The following CAPZA2 variants were observed in gnomAD, a reference collection of about 807,000 sequenced individuals.
The protein encoded by CAPZA2 is F-actin-capping protein subunit alpha-2.
CAPZA2 carries 13 observed loss-of-function variants against 44.0 expected under a neutral mutation model. The observed-to-expected ratio is 0.30, with a 90% confidence interval of 0.19 to 0.47. CAPZA2 has a LOEUF of 0.47. Among genes scored for constraint, CAPZA2 ranks in the 20% least tolerant of loss-of-function variants. CAPZA2 has a pLI of 1.00. For missense variants in CAPZA2, 244 were observed against 338.6 expected (o/e 0.72, Z 2.19); for synonymous variants, 94 against 108.2 (o/e 0.87, Z 0.81).
At chr7:116,903,178 A>C (rs535371103) in intron 4 of CAPZA2, among the ~76,000 whole-genome samples, 2 of 151,506 alleles carry the variant, frequency 1.3e-5, no homozygotes, top group African/African-American at 2.4e-5. Flanking sequence ...ATATCACTTG[A>C]CTTTGAGGGA....
chr7:116,907,892 G>T (rs1049810326), intron 6 of CAPZA2, among the ~76,000 whole-genome samples: 8 of 152,154 alleles, frequency 5.3e-5, no homozygotes, highest in African/African-American at 1.9e-4. Flanking sequence ...GGAAAAAAAT[G>T]TATTTTATAT....
chr7:116,908,280 A>C (rs1232842151), intron 6 of CAPZA2, among the ~76,000 whole-genome samples: 1 of 152,086 alleles, frequency 6.6e-6, no homozygotes, highest in Non-Finnish European at 1.5e-5. Context: ...AAAAAAAGAA[A>C]TATACTTCAG....
chr7:116,873,900 A>AT (rs1796586242), intron 1 of CAPZA2: 1 of 153,116 alleles, frequency 6.5e-6, no homozygotes, highest in Non-Finnish European at 1.5e-5. Flanking sequence ...ACAGTCAAGG[A>AT]TTGCAAGGCA....
intron 9 of CAPZA2, among the ~76,000 whole-genome samples, chr7:116,917,304 G>A (rs1328783850): frequency 6.6e-6 from 1 of 152,054 alleles, no homozygotes; most frequent in African/African-American, 2.4e-5. Flanking sequence ...GCCCAGGCTG[G>A]AGTGCAGTGG....
intron 6 of CAPZA2, among the ~76,000 whole-genome samples, chr7:116,907,008 A>G (rs1791523135): frequency 2.0e-5 from 3 of 152,226 alleles, no homozygotes; most frequent in African/African-American, 7.2e-5. Context: ...AATTGAATGA[A>G]ATCTTTACGT....
At chr7:116,894,807 C>T (rs1042592165) in intron 3 of CAPZA2, among the ~76,000 whole-genome samples, 3 of 152,090 alleles carry the variant, frequency 2.0e-5, no homozygotes, top group African/African-American at 7.2e-5. Context: ...AAAGTTTATC[C>T]ATATTGTAGC....
intron 3 of CAPZA2, among the ~76,000 whole-genome samples, chr7:116,895,101 A>G (rs1212530569): frequency 6.6e-6 from 1 of 152,024 alleles, no homozygotes; most frequent in African/African-American, 2.4e-5. Flanking sequence ...ATGTTGAGAA[A>G]AGTCTTATGG....
chr7:116,885,326 TG>T lies in CAPZA2; in HGVS notation c.40-2800del, dbSNP rs1173744616. Reference sequence around the variant, plus strand: ...TGTCTGTGTGTGGACAAAACACCTATGTTTTTTTTTTTGTATTCTCCCACTC... The same window carrying T: ...TGTCTGTGTGTGGACAAAACACCTATTTTTTTTTTTTGTATTCTCCCACTC... On this transcript the variant is annotated intron_variant, in intron 1 of 9. Coordinates refer to ENST00000361183, the MANE Select transcript of CAPZA2 (RefSeq NM_006136.3). Among the ~76,000 whole-genome samples, 65 of 152,096 alleles carry T rather than the reference TG, an allele frequency of 4.3e-4. 2 individuals are homozygous for T. The highest frequency in any genetic ancestry group is 1.2e-3 in the African/African-American group (50 of 41,470).
At chr7:116,895,201 A>C (rs1206981589) in intron 3 of CAPZA2, among the ~76,000 whole-genome samples, 3 of 152,082 alleles carry the variant, frequency 2.0e-5, no homozygotes, top group Non-Finnish European at 4.4e-5. Flanking sequence ...TGTGGGTTTC[A>C]TGTGGTGCAA....
intron 4 of CAPZA2, among the ~76,000 whole-genome samples, chr7:116,903,233 AGTGTGTGTGTGTGTGT>A (rs71148342): frequency 6.8e-5 from 10 of 146,340 alleles, no homozygotes; most frequent in African/African-American, 2.3e-4. Flanking sequence ...TGCAGAGAAG[AGTGTGTGTGTGTGTGT>A]GTGTGTGTGT....
intron 1 of CAPZA2, among the ~76,000 whole-genome samples, chr7:116,884,114 A>G (rs2115908980): frequency 6.6e-6 from 1 of 152,310 alleles, no homozygotes; most frequent in South Asian, 2.1e-4. Context: ...ACTCCAGTGT[A>G]TGTTTGGCAT....
At chr7:116,907,280 A>G (rs765465136) in intron 6 of CAPZA2, among the ~76,000 whole-genome samples, 4 of 152,208 alleles carry the variant, frequency 2.6e-5, no homozygotes, top group African/African-American at 4.8e-5. Context: ...AGGAAAATCA[A>G]TGCCATATGT....
At position 116,899,881 on chromosome 7, in the gene CAPZA2, A is replaced by G. The variant is rs148016949; in HGVS notation, c.219+1046A>G. 5.5e-3 allele frequency among the ~76,000 whole-genome samples: 831 copies of G among 151,884 alleles called. 11 individuals are homozygous for G. The highest frequency in any genetic ancestry group is 0.019 in the African/African-American group (789 of 41,556). On this transcript the variant is annotated intron_variant, in intron 4 of 9. Coordinates refer to ENST00000361183, the MANE Select transcript of CAPZA2 (RefSeq NM_006136.3). ...ATAAAACAAAAAAGGTAAACAGTAT[A>G]CTAACTTCACATGGACTATAGATTT...
chr7:116,917,943 A>G lies in CAPZA2; in HGVS notation c.*76A>G. On this transcript the variant is annotated 3_prime_UTR_variant, in exon 10 of 10. Transcript: ENST00000361183. Reference sequence around the variant, plus strand: ...ATTGCAAAAGTATTCTGAACTGTCAAGCTGCCCAGTCAGATGGGCTGTTGC... The same window carrying G: ...ATTGCAAAAGTATTCTGAACTGTCAGGCTGCCCAGTCAGATGGGCTGTTGC... 1 of 1,253,880 alleles carries G rather than the reference A, an allele frequency of 8.0e-7. No homozygotes were observed. Among genetic ancestry groups the G allele is most frequent in the Non-Finnish European group, 1.2e-6 (1 of 864,452 alleles). 77.7% of individuals were successfully genotyped at this position (1,253,880 alleles called of 1,614,324 possible).
chr7:116,915,131 C>T (rs894826894), intron 8 of CAPZA2, among the ~76,000 whole-genome samples: 1 of 151,920 alleles, frequency 6.6e-6, no homozygotes, highest in Non-Finnish European at 1.5e-5. Flanking sequence ...TACAAAACCC[C>T]ATCTCCACTA....
chr7:116,878,958 T>C (rs1186158353), intron 1 of CAPZA2, among the ~76,000 whole-genome samples: 1 of 151,706 alleles, frequency 6.6e-6, no homozygotes, highest in East Asian at 1.9e-4. Flanking sequence ...AAACCCCATC[T>C]CTGCTAAAAA....
chr7:116,904,439 C>T (rs576151844), intron 5 of CAPZA2, 56 bp downstream of exon 5: 18 of 1,038,142 alleles, frequency 1.7e-5, no homozygotes, highest in East Asian at 1.4e-4. Context: ...GAGTCTTTAG[C>T]GTCTCTTAAA....
chr7:116,918,574 C>T lies in CAPZA2; in HGVS notation c.*707C>T, dbSNP rs1268353392. The T allele has an allele frequency of 6.6e-6, 1 of 152,376 alleles. No individual in the cohort carries two copies. Among genetic ancestry groups the T allele is most frequent in the Non-Finnish European group, 1.5e-5 (1 of 68,000 alleles). The allele number at this position is 152,376 out of a possible 1,614,324, so 9.4% of individuals were successfully genotyped here. ...GCAAATCAGCTTGAATTCCATATGTCCCTGAGTTATTTTTATCATAAAGCC... is the reference window on the plus strand; with the variant it reads ...GCAAATCAGCTTGAATTCCATATGTTCCTGAGTTATTTTTATCATAAAGCC... On this transcript the variant is annotated 3_prime_UTR_variant, in exon 10 of 10. Coordinates refer to ENST00000361183, the MANE Select transcript of CAPZA2 (RefSeq NM_006136.3).
In CAPZA2 at chr7:116,921,959, T is replaced by A. The variant is rs1202665033; in HGVS notation, c.*4092T>A. On this transcript the variant is annotated 3_prime_UTR_variant, in exon 10 of 10. Transcript: ENST00000361183. ...TATGATTACATTTTAATAAGTTATA[T>A]AAATATGCAGATATTCATGCGGCTT... 3.3e-5 allele frequency: 5 copies of A among 152,188 alleles called. No individual in the cohort carries two copies. The highest frequency in any genetic ancestry group is 1.2e-4 in the African/African-American group (5 of 41,448). The allele number at this position is 152,188 out of a possible 1,614,324, so 9.4% of individuals were successfully genotyped here. A position where few individuals can be genotyped will look rare whatever the true frequency, so the allele number is the denominator to read the frequency against.
Sources: gnomAD v4.1 joint callset for allele counts (sites outside exome capture counted in the v4.1 genomes callset) on GRCh38, gnomAD v4.1.1 for gene constraint, MANE v1.5 for transcripts, NCBI Gene and HGNC (gene_info 2026-07-23, HGNC 2026-07-21) for gene names.